COL14A1: variants seen among roughly 807,000 people sequenced by gnomAD.
COL14A1 encodes the protein collagen type XIV alpha 1 chain.
A neutral mutation model predicts 230.3 loss-of-function variants in COL14A1; 136 were observed. That is an observed-to-expected ratio of 0.59 (90% CI 0.51 to 0.68). The LOEUF (loss-of-function observed/expected upper bound fraction) is 0.68, where lower values mean the gene tolerates loss of function less well. Ranked by LOEUF, COL14A1 falls within the 30% of genes least tolerant of loss-of-function variation. The pLI is 0.00. For synonymous variants in COL14A1, 792 were observed against 784.1 expected (o/e 1.01, Z -0.17); for missense variants, 1,976 against 2,215.8 (o/e 0.89, Z 2.17).
chr8:120,249,226 A>G (rs898532393), intron 21 of COL14A1, among the ~76,000 whole-genome samples: 3 of 151,328 alleles, frequency 2.0e-5, no homozygotes, highest in East Asian at 2.0e-4. Flanking sequence ...CCTAGTTTCA[A>G]TCTTTCATCT....
chr8:120,139,059 G>A (rs767972276), intron 1 of COL14A1, among the ~76,000 whole-genome samples: 1 of 152,158 alleles, frequency 6.6e-6, no homozygotes, highest in Non-Finnish European at 1.5e-5. Flanking sequence ...AATTTCTAGT[G>A]ACAGAGAAGA....
At chr8:120,213,075 T>G (rs565311286) in intron 13 of COL14A1, among the ~76,000 whole-genome samples, 6 of 152,336 alleles carry the variant, frequency 3.9e-5, no homozygotes, top group African/African-American at 1.4e-4. Flanking sequence ...ATATCAAAAT[T>G]AACAAACATT....
intron 42 of COL14A1, among the ~76,000 whole-genome samples, chr8:120,338,340 A>G (rs1020354859): frequency 5.3e-5 from 8 of 152,168 alleles, no homozygotes; most frequent in Non-Finnish European, 1.2e-4. Flanking sequence ...ATTGCTAAGC[A>G]GGGTTCTCTT....
At chr8:120,255,151 T>A in intron 22 of COL14A1, 89 bp from the exon 23 acceptor site, 1 of 983,576 alleles carries the variant, frequency 1.0e-6, no homozygotes, top group South Asian at 1.3e-5. Flanking sequence ...CAGCTTTGAA[T>A]GAAAATTTTT....
chr8:120,345,220 G>T (rs1041920756), intron 44 of COL14A1, among the ~76,000 whole-genome samples, 155 bp from the exon 45 acceptor site: 12 of 152,130 alleles, frequency 7.9e-5, no homozygotes, highest in Non-Finnish European at 1.8e-4. Context: ...GTAAAAAAAT[G>T]TTAAGCTGGA....
intron 26 of COL14A1, among the ~76,000 whole-genome samples, chr8:120,276,472 C>T (rs1819849960): frequency 6.6e-6 from 1 of 150,508 alleles, no homozygotes; most frequent in Non-Finnish European, 1.5e-5. Flanking sequence ...ACAATTCAAC[C>T]ATGTAACCAA....
intron 14 of COL14A1, among the ~76,000 whole-genome samples, chr8:120,219,984 A>ATGTGTGTG (rs142020105): frequency 1.8e-3 from 267 of 150,592 alleles, no homozygotes; most frequent in African/African-American, 6.3e-3. Context: ...TAGGGTGTGT[A>ATGTGTGTG]TGTGTGTGTG....
chr8:120,149,495 TC>T (rs1815202143), intron 2 of COL14A1, among the ~76,000 whole-genome samples: 1 of 152,112 alleles, frequency 6.6e-6, no homozygotes, highest in Non-Finnish European at 1.5e-5. Context: ...TCTTCTAAAC[TC>T]CAGGATACAA....
chr8:120,145,749 T>C (rs954705504), intron 1 of COL14A1, among the ~76,000 whole-genome samples: 4 of 152,196 alleles, frequency 2.6e-5, no homozygotes, highest in Admixed American at 6.5e-5. Flanking sequence ...TGGTGTTATA[T>C]GTATAAACGA....
At chr8:120,151,961 G>A (rs151060978) in intron 2 of COL14A1, among the ~76,000 whole-genome samples, 2 of 152,160 alleles carry the variant, frequency 1.3e-5, no homozygotes, top group East Asian at 1.9e-4. Context: ...GTCAAGGAAT[G>A]TGAGAAGCCT....
chr8:120,298,868 T>G (rs999247792), intron 35 of COL14A1, among the ~76,000 whole-genome samples: 9 of 151,554 alleles, frequency 5.9e-5, no homozygotes, highest in South Asian at 2.1e-4. Context: ...GAAGGTTTAG[T>G]TGACTCACAG....
At chr8:120,221,207 T>G (rs75432165) in intron 14 of COL14A1, among the ~76,000 whole-genome samples, 3,790 of 152,308 alleles carry the variant, frequency 0.025, 126 homozygotes, top group African/African-American at 0.08. Flanking sequence ...CCCAAATCCC[T>G]TGTTCCTCAT....
intron 19 of COL14A1, among the ~76,000 whole-genome samples, chr8:120,236,274 A>T (rs1010314926): frequency 6.6e-6 from 1 of 152,118 alleles, no homozygotes; most frequent in African/African-American, 2.4e-5. Context: ...GTTTCTAAGA[A>T]TTTGCTTTAT....
intron 33 of COL14A1, 100 bp from the exon 34 acceptor site, chr8:120,289,508 T>C: frequency 1.8e-6 from 2 of 1,095,948 alleles, no homozygotes; most frequent in Non-Finnish European, 2.6e-6. Flanking sequence ...ATTCTTTCTC[T>C]TCTCTTTCAT....
At chr8:120,215,567 G>T (rs991447971) in intron 13 of COL14A1, among the ~76,000 whole-genome samples, 1 of 152,166 alleles carries the variant, frequency 6.6e-6, no homozygotes. Context: ...CACTCTGGCT[G>T]CTTGCTGAGG....
rs577950365 is a variant in COL14A1, at chr8:120,345,559, A to G, written c.5073A>G (p.Glu1691=). The G allele has an allele frequency of 3.2e-6, 5 of 1,547,064 alleles. No individual in the cohort carries two copies. In the African/African-American group the frequency reaches 4.2e-5, roughly 13 times the overall value. The change falls in exon 45 of 48, where the codon GAA becomes GAG. Residue 1691 remains glutamate, a synonymous_variant. Transcript: ENST00000297848. ...GNAGVPGTPG[E]RGLTGIKGEK... Reference sequence around the variant, plus strand: ...CAGGCGTGCCAGGGACCCCAGGAGAACGAGGTAAGCTGGGCCCCTTCTCTC... The same window carrying G: ...CAGGCGTGCCAGGGACCCCAGGAGAGCGAGGTAAGCTGGGCCCCTTCTCTC...
At chr8:120,332,077 T>G in intron 40 of COL14A1, 64 bp from the exon 41 acceptor site, 25 of 1,409,732 alleles carry the variant, frequency 1.8e-5, no homozygotes, top group Non-Finnish European at 2.3e-5. Flanking sequence ...AGGAACTAAA[T>G]GAGCCCATTC....
intron 36 of COL14A1, among the ~76,000 whole-genome samples, chr8:120,306,220 A>G (rs929318747): frequency 6.6e-6 from 1 of 152,120 alleles, no homozygotes. Context: ...ACATGTTTAT[A>G]GCAGGAGGGT....
At chr8:120,272,348 A>G (rs1819692477) in intron 26 of COL14A1, among the ~76,000 whole-genome samples, 1 of 151,788 alleles carries the variant, frequency 6.6e-6, no homozygotes. Context: ...ACCTCTTGAA[A>G]GCATAAAACT....
Sources: allele counts gnomAD v4.1 joint callset (sites outside exome capture counted in the v4.1 genomes callset), GRCh38; gene constraint gnomAD v4.1.1; transcripts MANE v1.5; gene names NCBI Gene and HGNC (gene_info 2026-07-23, HGNC 2026-07-21).